Variants in GCA observed in about 807,000 individuals in gnomAD.
GCA encodes grancalcin, EF-hand calcium-binding protein.
Under a neutral mutation model 32.6 loss-of-function variants are expected in GCA, and 30 were observed. That is an observed-to-expected ratio of 0.92 (90% CI 0.69 to 1.25). The LOEUF (loss-of-function observed/expected upper bound fraction) is 1.25, where lower values mean the gene tolerates loss of function less well. Among genes scored for constraint, GCA ranks in the 50% most tolerant of loss-of-function variants. The probability of loss-of-function intolerance (pLI) is 0.00; values close to 1 mark genes in which losing one functional copy is unlikely to be tolerated. For missense variants in GCA, 291 were observed against 266.8 expected, an observed-to-expected ratio of 1.09 and a Z score of -0.63; for synonymous variants, 102 against 84.6, an observed-to-expected ratio of 1.21 and a Z score of -1.13.
At chr2:162,371,408 T>C (rs1221460752) in exon 5 of GCA, 2 of 1,288,376 alleles carry the variant, frequency 1.6e-6, no homozygotes, top group African/African-American at 3.0e-5. Context: ...GGAATTCCCA[T>C]GAGTTGAGGA....
intron 7 of GCA, among the ~76,000 whole-genome samples, chr2:162,359,917 G>A (rs1227029158): frequency 2.0e-5 from 3 of 151,178 alleles, no homozygotes; most frequent in South Asian, 4.1e-4. Context: ...GGATTATGAA[G>A]CTGTTCATTT....
downstream of GCA, among the ~76,000 whole-genome samples, chr2:162,374,537 A>G (rs1351443377): frequency 1.3e-5 from 2 of 152,266 alleles, no homozygotes; most frequent in Admixed American, 1.3e-4. Flanking sequence ...CTCTTCACTT[A>G]TTTGCGCTGA....
chr2:162,357,288 G>A (rs1685328337), intron 5 of GCA, among the ~76,000 whole-genome samples: 1 of 151,760 alleles, frequency 6.6e-6, no homozygotes, highest in Admixed American at 6.6e-5. Flanking sequence ...TAGAAACCAT[G>A]TTTTTGTCTT....
intron 4 of GCA, among the ~76,000 whole-genome samples, chr2:162,370,927 C>T (rs1685910341): frequency 6.6e-6 from 1 of 151,958 alleles, no homozygotes. Flanking sequence ...CCACACCCTG[C>T]TAATTTTTAA....
At chr2:162,373,694 T>G, downstream of GCA, 2 of 1,365,766 alleles carry the variant, frequency 1.5e-6, no homozygotes, top group South Asian at 3.9e-5. Context: ...GAAAAGACAG[T>G]CTAAAATAGT....
At chr2:162,319,005 A>G, upstream of GCA, 1 of 372,360 alleles carries the variant, frequency 2.7e-6, no homozygotes, top group Non-Finnish European at 5.4e-6. Flanking sequence ...GGAAGTGAAC[A>G]GAAACTGCCA....
chr2:162,352,727 C>T lies in GCA; in HGVS notation c.262+320C>T, dbSNP rs114172844. Reference sequence around the variant, plus strand: ...TTTATGATTATCTATTGATATCCTGCTATGAAAGATGAGGATTTCACTTTA... The same window carrying T: ...TTTATGATTATCTATTGATATCCTGTTATGAAAGATGAGGATTTCACTTTA... On this transcript the variant is annotated intron_variant, in intron 3 of 7. Transcript: ENST00000437150. Among the ~76,000 whole-genome samples, 682 of 152,224 alleles carry T rather than the reference C, an allele frequency of 4.5e-3. 2 individuals are homozygous for T. Among genetic ancestry groups the T allele is most frequent in the Non-Finnish European group, 7.8e-3 (528 of 67,998 alleles).
downstream of GCA, among the ~76,000 whole-genome samples, chr2:162,375,059 TTA>T (rs1374024358): frequency 6.6e-6 from 1 of 152,186 alleles, no homozygotes; most frequent in Non-Finnish European, 1.5e-5. Flanking sequence ...AAGTCCCAGC[TTA>T]TATGTTATCT....
At chr2:162,336,118 T>C (rs11894889) in intron 1 of GCA, among the ~76,000 whole-genome samples, 5,873 of 152,296 alleles carry the variant, frequency 0.039, 451 homozygotes, top group Admixed American at 0.21. Flanking sequence ...GATTTTTTTT[T>C]GTTATTGTAA....
Position 162,350,293 on chromosome 2 carries a change from C to T in GCA, c.193-2045C>T, listed in dbSNP as rs1398249002. Among the ~76,000 whole-genome samples, 5 of 152,236 alleles carry T rather than the reference C, an allele frequency of 3.3e-5. 1 individual carries two copies. Among genetic ancestry groups the T allele is most frequent in the South Asian group, 4.1e-4 (2 of 4,826 alleles). On this transcript the variant is annotated intron_variant, in intron 2 of 7. Transcript: ENST00000437150. ...AGGTATGGAGGTGCAGTAGCCATCT[C>T]GTGACCCTGAGACAACAGGCTTGAG...
At chr2:162,319,110 A>G in exon 1 of GCA, 1 of 455,886 alleles carries the variant, frequency 2.2e-6, no homozygotes, top group Non-Finnish European at 4.4e-6. Context: ...GTGAGAGATG[A>G]AGCTCAGAAG....
At chr2:162,368,817 T>G (rs953061383) in intron 4 of GCA, among the ~76,000 whole-genome samples, 1 of 151,982 alleles carries the variant, frequency 6.6e-6, no homozygotes, top group Non-Finnish European at 1.5e-5. Flanking sequence ...GTTGACTGAG[T>G]GATTATTAAT....
chr2:162,359,906 C>T (rs983135933), intron 7 of GCA, among the ~76,000 whole-genome samples: 81 of 151,082 alleles, frequency 5.4e-4, no homozygotes, highest in African/African-American at 1.6e-3. Context: ...TAATCCGTGA[C>T]GGATTATGAA....
chr2:162,326,977 G>A (rs1179670703), intron 1 of GCA, among the ~76,000 whole-genome samples: 1 of 152,208 alleles, frequency 6.6e-6, no homozygotes, highest in Non-Finnish European at 1.5e-5. Flanking sequence ...GGGAAAACCT[G>A]GAGAATGGGA....
intron 1 of GCA, among the ~76,000 whole-genome samples, chr2:162,328,575 A>T (rs1683971631): frequency 6.6e-6 from 1 of 152,148 alleles, no homozygotes; most frequent in African/African-American, 2.4e-5. Context: ...ACACACGGGC[A>T]GGCTGTGGGG....
chr2:162,371,387 T>C (rs1283503339), exon 5 of GCA: 27 of 1,288,906 alleles, frequency 2.1e-5, no homozygotes, highest in Non-Finnish European at 2.6e-5. Flanking sequence ...CTAAGTTCCC[T>C]TTATCCCCCT....
rs1685433326 is a variant in GCA at position 162,359,089 on chromosome 2, A to T, written c.500A>T (p.Tyr167Phe). 1.9e-6 allele frequency: 3 copies of T among 1,605,558 alleles called. No homozygotes were observed. The highest frequency in any genetic ancestry group is 2.6e-6 in the Non-Finnish European group (3 of 1,173,560). ...ACATTAACTACTATTGTTAAACGTT[A>T]TAGCAAGAATGGCAGAATTTTCTTT... ...PQTLTTIVKR[Y>F]SKNGRIFFDD... is the part of the protein sequence containing the mutation. Residue 167 changes from tyrosine to phenylalanine, a missense_variant, in exon 6 of 8, where the codon TAT becomes TTT. Transcript: ENST00000437150.
rs546477638 is a variant in GCA, at chr2:162,362,188, G to C, written c.*1945G>C. ...GGTATATTAGCATCTGAAACCCCAA[G>C]GTTAATAAAATCAGTCATGTTTAAT... On this transcript the variant is annotated 3_prime_UTR_variant, in exon 8 of 8. Coordinates refer to ENST00000437150, the MANE Select transcript of GCA (RefSeq NM_012198.5). 9.2e-5 allele frequency: 91 copies of C among 984,386 alleles called. No individual in the cohort carries two copies. The African/African-American group carries it at 1.5e-3, about 17-fold the overall frequency. The allele number at this position is 984,386 out of a possible 1,614,324, so 61.0% of individuals were successfully genotyped here. A position where few individuals can be genotyped will look rare whatever the true frequency, so the allele number is the denominator to read the frequency against.
rs1685630927 is a variant in GCA, at chr2:162,362,788, A to AT, written c.*2549dup. ...TTCTATTCTGAGTGGCAGTTTACAC[A>AT]TTTTAAATTACATCAAGGGTAAATC... On this transcript the variant is annotated 3_prime_UTR_variant, in exon 8 of 8. Coordinates refer to ENST00000437150, the MANE Select transcript of GCA (RefSeq NM_012198.5). 1 of 154,294 alleles carries AT rather than the reference A, an allele frequency of 6.5e-6. No homozygotes were observed. The highest frequency in any genetic ancestry group is 2.1e-4 in the South Asian group (1 of 4,870). 9.6% of individuals were successfully genotyped at this position (154,294 alleles called of 1,614,324 possible).
Sources: allele counts gnomAD v4.1 joint callset (sites outside exome capture counted in the v4.1 genomes callset), GRCh38; gene constraint gnomAD v4.1.1; transcripts MANE v1.5; gene names NCBI Gene and HGNC (gene_info 2026-07-23, HGNC 2026-07-21).